Variants in NBEA observed in about 807,000 individuals in gnomAD.
The protein encoded by NBEA is neurobeachin.
NBEA carries 44 observed loss-of-function variants against 343.4 expected under a neutral mutation model. That is an observed-to-expected ratio of 0.13 (90% CI 0.10 to 0.16). The LOEUF (loss-of-function observed/expected upper bound fraction) is 0.16. NBEA is among the 10% of genes least tolerant of loss of function. The pLI is 1.00. For missense variants in NBEA, 2,555 were observed against 3,631.3 expected (o/e 0.70, Z 7.62); for synonymous variants, 1,175 against 1,238.7 (o/e 0.95, Z 1.08).
intron 24 of NBEA, among the ~76,000 whole-genome samples, chr13:35,168,107 ATGT>A (rs1468509159): frequency 6.6e-6 from 1 of 151,696 alleles, no homozygotes; most frequent in East Asian, 1.9e-4. Flanking sequence ...ATTATGAATA[ATGT>A]TGTTGGTTTT....
chr13:35,447,339 A>G (rs1285907804), intron 39 of NBEA, among the ~76,000 whole-genome samples: 2 of 152,156 alleles, frequency 1.3e-5, no homozygotes, highest in Non-Finnish European at 2.9e-5. Flanking sequence ...TAACAATACT[A>G]GAAACATTTT....
chr13:35,226,542 A>T (rs1253709355), intron 33 of NBEA, among the ~76,000 whole-genome samples: 1 of 152,146 alleles, frequency 6.6e-6, no homozygotes, highest in African/African-American at 2.4e-5. Flanking sequence ...AGATACAATT[A>T]GCCTTACCCT....
intron 17 of NBEA, among the ~76,000 whole-genome samples, chr13:35,132,436 A>G (rs1423916217): frequency 3.9e-5 from 6 of 152,182 alleles, no homozygotes; most frequent in Non-Finnish European, 8.8e-5. Context: ...CTGGGATTAC[A>G]GGCGTGAGCC....
intron 34 of NBEA, among the ~76,000 whole-genome samples, chr13:35,242,014 A>G (rs955132373): frequency 5.9e-5 from 9 of 151,928 alleles, no homozygotes; most frequent in African/African-American, 2.2e-4. Flanking sequence ...AACGCACTCA[A>G]AGAAAGAGAG....
At position 35,320,575 on chromosome 13, in the gene NBEA, G is replaced by A. The variant is rs144908484; in HGVS notation, c.5903+10983G>A. The stretch of plus-strand genomic sequence containing the variant: ...GGTGAATCTGAAGTTTATGTGTCTT[G>A]GGGTTGCTCTTCTCGAGGAGTATCT... On this transcript the variant is annotated intron_variant, in intron 36 of 58. Coordinates refer to ENST00000379939, the MANE Select transcript of NBEA (RefSeq NM_001385012.1). Among the ~76,000 whole-genome samples the A allele has an allele frequency of 3.3e-5, 5 of 152,168 alleles. 1 individual carries two copies. The highest frequency in any genetic ancestry group is 3.3e-4 in the Admixed American group (5 of 15,288).
chr13:35,349,040 T>C, intron 36 of NBEA, 68 bp from the exon 37 acceptor site: 1 of 644,466 alleles, frequency 1.6e-6, no homozygotes, highest in East Asian at 3.2e-5. Flanking sequence ...TGAAATCTGA[T>C]TATTGAAAAA....
intron 1 of NBEA, among the ~76,000 whole-genome samples, chr13:35,027,390 T>C (rs1397084399): frequency 1.3e-5 from 2 of 152,016 alleles, no homozygotes; most frequent in Non-Finnish European, 2.9e-5. Flanking sequence ...CCACTTTTTT[T>C]TTTTTGCATC....
At chr13:35,496,466 C>G (rs2076680568) in intron 41 of NBEA, among the ~76,000 whole-genome samples, 1 of 151,426 alleles carries the variant, frequency 6.6e-6, no homozygotes, top group South Asian at 2.1e-4. Flanking sequence ...GAGATCTTGT[C>G]TCTAAAAAAA....
At chr13:35,260,322 T>C (rs931193577) in intron 34 of NBEA, among the ~76,000 whole-genome samples, 5 of 152,250 alleles carry the variant, frequency 3.3e-5, no homozygotes, top group Non-Finnish European at 5.9e-5. Flanking sequence ...CTTTTTCTCA[T>C]GATGGCATAA....
intron 41 of NBEA, among the ~76,000 whole-genome samples, chr13:35,525,212 C>A (rs1320052123): frequency 6.6e-6 from 1 of 152,122 alleles, no homozygotes; most frequent in Non-Finnish European, 1.5e-5. Flanking sequence ...TCAAGATATG[C>A]ATTAAATCAT....
chr13:35,535,040 A>G (rs766803180), intron 41 of NBEA, among the ~76,000 whole-genome samples: 9 of 152,222 alleles, frequency 5.9e-5, no homozygotes, highest in Non-Finnish European at 1.0e-4. Flanking sequence ...TTTTGGTTAT[A>G]TTTAACCCTG....
intron 33 of NBEA, among the ~76,000 whole-genome samples, chr13:35,231,305 T>C (rs2074959944): frequency 6.6e-6 from 1 of 152,104 alleles, no homozygotes; most frequent in African/African-American, 2.4e-5. Flanking sequence ...TTTAATTGCT[T>C]AAAAAATTTA....
chr13:35,470,917 G>T (rs527321666), intron 40 of NBEA, among the ~76,000 whole-genome samples: 86 of 152,354 alleles, frequency 5.6e-4, no homozygotes, highest in Non-Finnish European at 5.7e-4. Flanking sequence ...TGGTGCTTCA[G>T]ATCGACTGCC....
intron 1 of NBEA, among the ~76,000 whole-genome samples, chr13:34,989,090 G>A (rs2060659075): frequency 6.7e-6 from 1 of 150,346 alleles, no homozygotes; most frequent in Non-Finnish European, 1.5e-5. Flanking sequence ...TTGTTTTTTA[G>A]GCGTATCTCC....
At chr13:35,314,691 C>T (rs1458027383) in intron 36 of NBEA, among the ~76,000 whole-genome samples, 3 of 152,252 alleles carry the variant, frequency 2.0e-5, no homozygotes, top group Non-Finnish European at 4.4e-5. Context: ...CATTGTTTCT[C>T]ATCTGTAGAA....
chr13:34,994,983 G>A (rs918001554), intron 1 of NBEA, among the ~76,000 whole-genome samples: 1 of 152,208 alleles, frequency 6.6e-6, no homozygotes, highest in Admixed American at 6.5e-5. Context: ...GGCTGGAAAT[G>A]AATGCACACA....
rs73502798 is a variant in NBEA at position 35,448,824 on chromosome 13, C to T, written c.6305-3268C>T. Among the ~76,000 whole-genome samples the T allele has an allele frequency of 2.8e-3, 429 of 152,194 alleles. 1 individual carries two copies. Among genetic ancestry groups the T allele is most frequent in the African/African-American group, 9.8e-3 (408 of 41,510 alleles). On this transcript the variant is annotated intron_variant, in intron 39 of 58. Coordinates refer to ENST00000379939, the MANE Select transcript of NBEA (RefSeq NM_001385012.1). ...ATGTTTGTGGCAGAACTGCTGGGCACCAGGCACTGAAGCTACAGAAATGGG... is the reference window on the plus strand; with the variant it reads ...ATGTTTGTGGCAGAACTGCTGGGCATCAGGCACTGAAGCTACAGAAATGGG...
intron 30 of NBEA, among the ~76,000 whole-genome samples, chr13:35,184,299 T>C (rs2071533034): frequency 6.6e-6 from 1 of 152,044 alleles, no homozygotes; most frequent in Non-Finnish European, 1.5e-5. Context: ...TACCTAATTA[T>C]ATGTATATTA....
intron 51 of NBEA, among the ~76,000 whole-genome samples, chr13:35,648,345 C>G (rs1489309708): frequency 1.3e-5 from 2 of 152,068 alleles, no homozygotes; most frequent in Non-Finnish European, 2.9e-5. Flanking sequence ...CGTATAAACC[C>G]CTCAGCCACA....
Sources: allele counts gnomAD v4.1 joint callset (sites outside exome capture counted in the v4.1 genomes callset), GRCh38; gene constraint gnomAD v4.1.1; transcripts MANE v1.5; gene names NCBI Gene and HGNC (gene_info 2026-07-23, HGNC 2026-07-21).